The following PCDH15 variants were observed in gnomAD, a reference collection of about 807,000 sequenced individuals.
PCDH15 encodes protocadherin related 15.
A neutral mutation model predicts 178.5 loss-of-function variants in PCDH15; 129 were observed. The ratio of observed to expected loss-of-function variants is 0.72; its 90% CI spans 0.63 to 0.84. PCDH15 has a LOEUF of 0.84. Ranked by LOEUF, PCDH15 falls within the 40% of genes least tolerant of loss-of-function variation. The pLI, the probability that PCDH15 is intolerant of heterozygous loss-of-function variation, is 0.00. For missense variants in PCDH15, 2,230 were observed against 2,099.9 expected, an observed-to-expected ratio of 1.06 and a Z score of -1.21; for synonymous variants, 800 against 732.0, an observed-to-expected ratio of 1.09 and a Z score of -1.50.
intron 6 of PCDH15, among the ~76,000 whole-genome samples, chr10:54,345,793 C>T (rs945804715): frequency 7.0e-5 from 6 of 86,232 alleles, no homozygotes; most frequent in Admixed American, 2.0e-4. Context: ...CAGAGCGAGA[C>T]TCCGTCTCAA....
intron 5 of PCDH15, among the ~76,000 whole-genome samples, chr10:54,366,956 C>A (rs1192836107): frequency 6.6e-6 from 1 of 152,050 alleles, no homozygotes; most frequent in East Asian, 1.9e-4. Flanking sequence ...AAGATCAAAT[C>A]TTTACCTTTC....
intron 3 of PCDH15, among the ~76,000 whole-genome samples, chr10:54,814,407 AAATT>A (rs1952916545): frequency 6.6e-6 from 1 of 152,186 alleles, no homozygotes; most frequent in African/African-American, 2.4e-5. Context: ...TAACAGGTAA[AAATT>A]AATAAAAAAG....
At chr10:53,904,841 G>A (rs2593138) in intron 25 of PCDH15, among the ~76,000 whole-genome samples, 115,409 of 152,064 alleles carry the variant, frequency 0.76, 44,429 homozygotes, top group East Asian at 1. Context: ...TTTAGAATAT[G>A]TCACCTTTCC....
At chr10:54,484,905 G>A (rs2136994125) in intron 3 of PCDH15, among the ~76,000 whole-genome samples, 1 of 151,886 alleles carries the variant, frequency 6.6e-6, no homozygotes, top group Admixed American at 6.6e-5. Context: ...AGCTGAATGT[G>A]ACCACTCAAA....
intron 8 of PCDH15, among the ~76,000 whole-genome samples, chr10:54,304,095 C>T (rs901031405): frequency 5.3e-5 from 8 of 151,992 alleles, no homozygotes; most frequent in African/African-American, 1.7e-4. Flanking sequence ...ATTTATCATA[C>T]CAATCATATT....
chr10:55,239,157 T>C (rs142832220), intron 1 of PCDH15, among the ~76,000 whole-genome samples: 1 of 152,268 alleles, frequency 6.6e-6, no homozygotes, highest in African/African-American at 2.4e-5. Flanking sequence ...TAACATAATG[T>C]CCACCAGTTC....
At chr10:55,248,484 T>C (rs575954113) in intron 1 of PCDH15, among the ~76,000 whole-genome samples, 1 of 152,252 alleles carries the variant, frequency 6.6e-6, no homozygotes, top group East Asian at 1.9e-4. Flanking sequence ...GGGCCTATTA[T>C]GAGATAAAGG....
At chr10:54,915,713 C>T (rs1954891072) in intron 2 of PCDH15, among the ~76,000 whole-genome samples, 1 of 152,116 alleles carries the variant, frequency 6.6e-6, no homozygotes, top group African/African-American at 2.4e-5. Flanking sequence ...AGCAGGAAAC[C>T]TTCCTCCTTA....
chr10:54,283,180 T>C (rs983415526), intron 8 of PCDH15, among the ~76,000 whole-genome samples: 2 of 152,096 alleles, frequency 1.3e-5, no homozygotes, highest in Admixed American at 1.3e-4. Context: ...TCCATTACTA[T>C]CTGATGATAT....
chr10:55,504,695 C>T lies in PCDH15; in HGVS notation c.-156+122930G>A, dbSNP rs965623011. Among the ~76,000 whole-genome samples the T allele has an allele frequency of 2.6e-5, 4 of 151,306 alleles. No homozygotes were observed. In the Admixed American group the frequency reaches 2.6e-4, roughly 10 times the overall value. ...CAATAATGAATAATAGAGGCTATTA[C>T]TAATGAAAAACATTACATCAGGTAA... On this transcript the variant is annotated intron_variant, in intron 2 of 5. Transcript: ENST00000613346.
intron 3 of PCDH15, among the ~76,000 whole-genome samples, chr10:54,884,130 G>A (rs751681708): frequency 7.2e-5 from 11 of 151,898 alleles, no homozygotes; most frequent in Non-Finnish European, 1.2e-4. Context: ...GTACAGCCGG[G>A]TATCAGAGTA....
At chr10:54,068,176 C>T (rs1332802475) in intron 17 of PCDH15, among the ~76,000 whole-genome samples, 1 of 151,936 alleles carries the variant, frequency 6.6e-6, no homozygotes, top group Non-Finnish European at 1.5e-5. Context: ...AAAGCAAATA[C>T]TTTTTTTAGT....
chr10:54,994,969 T>A (rs535724298), intron 2 of PCDH15, among the ~76,000 whole-genome samples: 6 of 152,294 alleles, frequency 3.9e-5, no homozygotes, highest in African/African-American at 1.4e-4. Context: ...CTTTCAGAGA[T>A]CTAAGAAAAC....
At chr10:54,084,439 C>G (rs1187647551) in intron 16 of PCDH15, among the ~76,000 whole-genome samples, 1 of 151,420 alleles carries the variant, frequency 6.6e-6, no homozygotes, top group Non-Finnish European at 1.5e-5. Context: ...TACCACAGCT[C>G]TCCAGTCTGG....
intron 3 of PCDH15, among the ~76,000 whole-genome samples, chr10:54,403,222 G>A (rs1215851573): frequency 1.3e-5 from 2 of 151,986 alleles, no homozygotes; most frequent in African/African-American, 2.4e-5. Context: ...ACATAGCTAT[G>A]AAGGCTGAGA....
intron 1 of PCDH15, among the ~76,000 whole-genome samples, chr10:54,720,001 C>T (rs1020751400): frequency 1.3e-5 from 2 of 152,014 alleles, no homozygotes; most frequent in Admixed American, 1.3e-4. Context: ...GAGATACCAT[C>T]TCACACCAGT....
intron 3 of PCDH15, among the ~76,000 whole-genome samples, chr10:54,456,884 T>C (rs1444058076): frequency 6.6e-6 from 1 of 152,158 alleles, no homozygotes; most frequent in Non-Finnish European, 1.5e-5. Context: ...TCAGCACTTC[T>C]GCTTCCTGCT....
intron 21 of PCDH15, among the ~76,000 whole-genome samples, chr10:53,976,771 C>T (rs1400827467): frequency 1.3e-5 from 2 of 151,774 alleles, no homozygotes; most frequent in African/African-American, 4.8e-5. Flanking sequence ...TTTAAACTGT[C>T]CCATAGAAGT....
rs116174670 is a variant in PCDH15 at position 54,180,049 on chromosome 10, G to A, written c.1590+3395C>T. On this transcript the variant is annotated intron_variant, in intron 13 of 37. Transcript: ENST00000644397. ...CGATTGCATTGACATCTGATAAAAC[G>A]GTCTGCATGGAATGAAAAATGAAAT... is the stretch of plus-strand genomic sequence containing the variant. Among the ~76,000 whole-genome samples, 1,247 of 152,200 alleles carry A rather than the reference G, an allele frequency of 8.2e-3. 16 individuals carry two copies. Among genetic ancestry groups the A allele is most frequent in the African/African-American group, 0.028 (1,161 of 41,506 alleles).
Sources: gnomAD v4.1 joint callset for allele counts (sites outside exome capture counted in the v4.1 genomes callset) on GRCh38, gnomAD v4.1.1 for gene constraint, MANE v1.5 for transcripts, NCBI Gene and HGNC (gene_info 2026-07-23, HGNC 2026-07-21) for gene names.